The following ACAT1 variants were observed in gnomAD, a reference collection of about 807,000 sequenced individuals.
The protein encoded by ACAT1 is acetyl-CoA acetyltransferase, mitochondrial.
A neutral mutation model predicts 47.3 loss-of-function variants in ACAT1; 28 were observed. The observed-to-expected ratio is 0.59, with a 90% CI of 0.44 to 0.81. ACAT1 has a LOEUF of 0.81. Among genes scored for constraint, ACAT1 ranks in the 30% least tolerant of loss-of-function variants. The pLI is 0.00. For missense variants in ACAT1, 469 were observed against 524.3 expected, an observed-to-expected ratio of 0.89 and a Z score of 1.03; for synonymous variants, 181 against 173.6, an observed-to-expected ratio of 1.04 and a Z score of -0.34.
intron 1 of ACAT1, among the ~76,000 whole-genome samples, chr11:108,131,378 G>GTTTTTTTT (rs1591359796): frequency 3.0e-4 from 2 of 6,754 alleles, no homozygotes; most frequent in Non-Finnish European, 4.3e-4. Context: ...TTTTTAGACA[G>GTTTTTTTT]TCTTGCTTTG....
chr11:108,121,702 C>T, intron 1 of ACAT1, 24 bp downstream of exon 1: 2 of 1,546,254 alleles, frequency 1.3e-6, no homozygotes, highest in South Asian at 1.2e-5. Flanking sequence ...GTCCCCACAG[C>T]ACTCAGACCC....
At chr11:108,134,999 G>A in intron 4 of ACAT1, 143 bp from the exon 5 acceptor site, 15 of 524,718 alleles carry the variant, frequency 2.9e-5, no homozygotes, top group South Asian at 1.3e-4. Flanking sequence ...GGTTATTTAA[G>A]CTTAAATGAA....
At chr11:108,122,606 G>T (rs763041276) in intron 1 of ACAT1, among the ~76,000 whole-genome samples, 1 of 152,336 alleles carries the variant, frequency 6.6e-6, no homozygotes, top group South Asian at 2.1e-4. Flanking sequence ...GGTGCTGGCG[G>T]TAGGAGCTTT....
At chr11:108,145,629 A>T (rs1048754338) in intron 10 of ACAT1, among the ~76,000 whole-genome samples, 2 of 152,250 alleles carry the variant, frequency 1.3e-5, no homozygotes, top group African/African-American at 4.8e-5. Flanking sequence ...TGTGCCCCTA[A>T]ATAGAAAATG....
At chr11:108,131,050 C>A (rs2077347805) in intron 1 of ACAT1, among the ~76,000 whole-genome samples, 1 of 152,078 alleles carries the variant, frequency 6.6e-6, no homozygotes, top group Non-Finnish European at 1.5e-5. Context: ...ACTTGCCCAG[C>A]CTACTGTTGA....
chr11:108,132,077 A>T, intron 2 of ACAT1, 123 bp downstream of exon 2: 2 of 580,878 alleles, frequency 3.4e-6, no homozygotes, highest in Non-Finnish European at 3.2e-6. Flanking sequence ...AGTTAGGAAT[A>T]GCTAACTATT....
At chr11:108,143,738 A>G (rs994928109) in intron 9 of ACAT1, 3 of 375,146 alleles carry the variant, frequency 8.0e-6, no homozygotes, top group African/African-American at 6.2e-5. Flanking sequence ...AACCAAAAAC[A>G]TCTCTAGGTG....
chr11:108,142,164 C>T (rs192985726), intron 8 of ACAT1, among the ~76,000 whole-genome samples: 136 of 152,202 alleles, frequency 8.9e-4, no homozygotes, highest in African/African-American at 3.1e-3. Context: ...ATTAACTGGT[C>T]CCTATGTTTC....
chr11:108,128,610 G>C (rs904865926), intron 1 of ACAT1: 2 of 152,222 alleles, frequency 1.3e-5, no homozygotes, highest in African/African-American at 4.8e-5. Context: ...TGTGGGTCAA[G>C]AGACATTTAT....
At chr11:108,131,548 C>T (rs999535114) in intron 1 of ACAT1, among the ~76,000 whole-genome samples, 1 of 151,658 alleles carries the variant, frequency 6.6e-6, no homozygotes, top group African/African-American at 2.4e-5. Flanking sequence ...GACTGGGTCT[C>T]ACCACGTTGT....
intron 7 of ACAT1, among the ~76,000 whole-genome samples, chr11:108,141,373 A>AAAAAAAAG (rs1326537584): frequency 3.3e-4 from 40 of 120,308 alleles, no homozygotes; most frequent in Admixed American, 6.4e-4. Context: ...CTGCCTCAAA[A>AAAAAAAAG]AAAAAAAAAA....
At chr11:108,128,742 T>G (rs2077297307) in intron 1 of ACAT1, 1 of 152,192 alleles carries the variant, frequency 6.6e-6, no homozygotes, top group Non-Finnish European at 1.5e-5. Context: ...GTGCCATCTT[T>G]GAAAAGGCAA....
upstream of ACAT1, among the ~76,000 whole-genome samples, chr11:108,117,317 T>TTC (rs1864970790): frequency 6.7e-6 from 1 of 150,212 alleles, no homozygotes; most frequent in Admixed American, 6.6e-5. Flanking sequence ...CTCTTTTTTT[T>TTC]TTTTTTTGGA....
upstream of ACAT1, among the ~76,000 whole-genome samples, chr11:108,117,292 C>G (rs571442119): frequency 1.9e-4 from 29 of 150,922 alleles, no homozygotes; most frequent in South Asian, 6.1e-3. Context: ...GGTGACAGAG[C>G]AAGGCTCTGT....
chr11:108,133,733 G>A (rs1261890216), intron 2 of ACAT1, 87 bp from the exon 3 acceptor site: 1 of 1,124,396 alleles, frequency 8.9e-7, no homozygotes, highest in Middle Eastern at 2.1e-4. Flanking sequence ...TCATAGAAGT[G>A]TTTTTTTGAT....
chr11:108,138,005 T>TA (rs1168143517), intron 5 of ACAT1, among the ~76,000 whole-genome samples: 1 of 151,860 alleles, frequency 6.6e-6, no homozygotes, highest in Non-Finnish European at 1.5e-5. Flanking sequence ...ATTTTTTTTT[T>TA]AAAGACAGAG....
At chr11:108,120,824 TGA>T (rs1299082613), upstream of ACAT1, among the ~76,000 whole-genome samples, 1 of 151,808 alleles carries the variant, frequency 6.6e-6, no homozygotes, top group East Asian at 1.9e-4. Flanking sequence ...TTTGAGAGGC[TGA>T]GTCTGGCCGT....
chr11:108,139,148 G>A lies in ACAT1; in HGVS notation c.579+107G>A, dbSNP rs936024780. On this transcript the variant is annotated intron_variant, in intron 6 of 11. Transcript: ENST00000265838. ...GAACTGAAAGATGGGCTCTATAAAT[G>A]TTGATTTTAGCCGTGTACTTTTGGA... 4 of 1,421,024 alleles carry A rather than the reference G, an allele frequency of 2.8e-6. No homozygotes were observed. The South Asian group carries it at 4.7e-5, about 17-fold the overall frequency. 88.0% of individuals were successfully genotyped at this position (1,421,024 alleles called of 1,614,324 possible). A position where few individuals can be genotyped will look rare whatever the true frequency, so the allele number is the denominator to read the frequency against.
In ACAT1 at chr11:108,146,352, C is replaced by A. The variant is rs1565297934; in HGVS notation, c.1156C>A (p.Pro386Thr). 6.2e-7 allele frequency: 1 copy of A among 1,613,892 alleles called. No individual in the cohort carries two copies. The highest frequency in any genetic ancestry group is 1.3e-5 in the African/African-American group (1 of 75,036). The change falls in exon 11 of 12, where the codon CCA (proline) becomes ACA (threonine). Residue 386 changes from proline to threonine, a missense_variant. Transcript: ENST00000265838. ...TGGAGGAGCTGTTTCTCTGGGACAT[C>A]CAATTGGGTAGGTAAAAATAATAAC... ...INGGAVSLGHPIGMSGARIVG... is the reference protein window; with the variant it reads ...INGGAVSLGHTIGMSGARIVG...
Sources: allele counts gnomAD v4.1 joint callset (sites outside exome capture counted in the v4.1 genomes callset), GRCh38; gene constraint gnomAD v4.1.1; transcripts MANE v1.5; gene names NCBI Gene and HGNC (gene_info 2026-07-23, HGNC 2026-07-21).